The following RASA2 variants were observed in gnomAD, a reference collection of about 807,000 sequenced individuals.
RASA2 encodes the protein RAS p21 protein activator 2, also known as ras GTPase-activating protein 2.
Under a neutral mutation model 118.2 loss-of-function variants are expected in RASA2, and 155 were observed. That is an observed-to-expected ratio of 1.31 (90% CI 1.15 to 1.50). The LOEUF (loss-of-function observed/expected upper bound fraction) is 1.50, where lower values mean the gene tolerates loss of function less well. Among genes scored for constraint, RASA2 ranks in the 40% most tolerant of loss-of-function variants. The pLI, the probability that RASA2 is intolerant of heterozygous loss-of-function variation, is 0.00. For synonymous variants in RASA2, 353 were observed against 349.1 expected, an observed-to-expected ratio of 1.01 and a Z score of -0.12; for missense variants, 1,016 against 1,009.6, an observed-to-expected ratio of 1.01 and a Z score of -0.09.
chr3:141,506,234 C>T (rs552211126), intron 1 of RASA2, among the ~76,000 whole-genome samples: 1 of 152,296 alleles, frequency 6.6e-6, no homozygotes, highest in South Asian at 2.1e-4. Flanking sequence ...AGTTGGTTGT[C>T]ATTGATATAC....
chr3:141,546,177 T>C (rs552992429), intron 5 of RASA2, among the ~76,000 whole-genome samples: 1 of 152,376 alleles, frequency 6.6e-6, no homozygotes, highest in Non-Finnish European at 1.5e-5. Flanking sequence ...AGAGCGCAGA[T>C]ACCTCTTCAA....
At chr3:141,611,731 C>A (rs1053565531) in intron 23 of RASA2, among the ~76,000 whole-genome samples, 1 of 152,084 alleles carries the variant, frequency 6.6e-6, no homozygotes, top group Non-Finnish European at 1.5e-5. Context: ...CAATAAAAAT[C>A]AATTTGACAA....
Position 141,572,718 on chromosome 3 carries a change from G to C in RASA2, c.1279G>C (p.Asp427His). ...YLKVTLKPIL[D>H]EICDSSKSCE... is the part of the protein sequence containing the mutation. The stretch of plus-strand genomic sequence containing the variant: ...GAAAGTAACATTAAAACCTATTCTT[G>C]ATGAGGTACAGAATATATCTCCAAC... The change falls in exon 12 of 24, where the codon GAT becomes CAT. Residue 427 changes from aspartate to histidine, a missense_variant. Transcript: ENST00000286364. The C allele has an allele frequency of 1.3e-6, 2 of 1,591,710 alleles. No homozygotes were observed. Among genetic ancestry groups the C allele is most frequent in the Non-Finnish European group, 1.7e-6 (2 of 1,160,930 alleles).
chr3:141,601,544 A>G (rs77742015), intron 19 of RASA2, among the ~76,000 whole-genome samples: 19,692 of 152,188 alleles, frequency 0.13, 1,827 homozygotes, highest in East Asian at 0.24. Context: ...TGAAGAGAAC[A>G]TTAAAAGCAC....
chr3:141,490,421 G>A (rs1410514560), intron 1 of RASA2, among the ~76,000 whole-genome samples: 5 of 150,064 alleles, frequency 3.3e-5, no homozygotes, highest in Non-Finnish European at 7.4e-5. Flanking sequence ...GCTTCATGCT[G>A]TTATTTGGTG....
chr3:141,494,145 C>T (rs888924437), intron 1 of RASA2, among the ~76,000 whole-genome samples: 2 of 152,178 alleles, frequency 1.3e-5, no homozygotes, highest in Non-Finnish European at 2.9e-5. Context: ...ACCTTGTAAG[C>T]ATGTCATTTT....
intron 4 of RASA2, 111 bp from the exon 5 acceptor site, chr3:141,540,422 C>A: frequency 1.3e-6 from 1 of 744,894 alleles, no homozygotes; most frequent in Non-Finnish European, 2.2e-6. Flanking sequence ...TAGGCAAAGC[C>A]ATGTGCTAGT....
chr3:141,608,352 T>TA, intron 20 of RASA2, 137 bp from the exon 21 acceptor site: 1 of 790,478 alleles, frequency 1.3e-6, no homozygotes, highest in South Asian at 1.8e-5. Context: ...GCTTGAAACA[T>TA]AATAATTTCT....
intron 12 of RASA2, 63 bp from the exon 13 acceptor site, chr3:141,573,082 TAA>T: frequency 7.5e-7 from 1 of 1,329,690 alleles, no homozygotes; most frequent in South Asian, 1.4e-5. Context: ...ATCAGAAAAA[TAA>T]GTTATTTTCA....
rs751180314 is a variant in RASA2 at position 141,558,965 on chromosome 3, A to G, written c.761+3A>G. 6.3e-7 allele frequency: 1 copy of G among 1,596,898 alleles called. No individual in the cohort carries two copies. On this transcript the variant is annotated splice_donor_region_variant and intron_variant, in intron 8 of 23. Transcript: ENST00000286364. ...GACATTGAAAAGCTAGAAATCAGGT[A>G]TGTGCCTTGGGGTTTTACAGAATTG...
intron 19 of RASA2, among the ~76,000 whole-genome samples, chr3:141,587,815 A>G (rs2083229721): frequency 6.6e-6 from 1 of 152,086 alleles, no homozygotes; most frequent in South Asian, 2.1e-4. Context: ...ACATCTATAT[A>G]GTAGAATCCC....
intron 1 of RASA2, among the ~76,000 whole-genome samples, chr3:141,490,205 T>A (rs2081623448): frequency 6.6e-6 from 1 of 151,860 alleles, no homozygotes; most frequent in Non-Finnish European, 1.5e-5. Flanking sequence ...TATCCTAAGG[T>A]TGTCATATGA....
Position 141,540,518 on chromosome 3 carries a change from T to C in RASA2, c.451-15T>C. The stretch of plus-strand genomic sequence containing the variant: ...AAAATAGACTACTCAGTTTGTAATC[T>C]TTTTGTCATTATAGGGTAAAGTTCA... On this transcript the variant is annotated splice_polypyrimidine_tract_variant and intron_variant, in intron 4 of 23. Transcript: ENST00000286364. The C allele has an allele frequency of 1.3e-6, 2 of 1,594,496 alleles. No homozygotes were observed. The highest frequency in any genetic ancestry group is 1.7e-6 in the Non-Finnish European group (2 of 1,163,674).
chr3:141,490,300 C>T (rs2081624814), intron 1 of RASA2, among the ~76,000 whole-genome samples: 1 of 133,994 alleles, frequency 7.5e-6, no homozygotes, highest in African/African-American at 2.9e-5. Context: ...TATGCTAGAA[C>T]ACCTGAAACA....
chr3:141,607,562 G>T, intron 19 of RASA2, 116 bp from the exon 20 acceptor site: 1 of 1,090,922 alleles, frequency 9.2e-7, no homozygotes, highest in Non-Finnish European at 1.2e-6. Flanking sequence ...TCTTCTGTAG[G>T]TTATTTACAC....
intron 15 of RASA2, chr3:141,578,585 C>A (rs551414189): frequency 6.6e-6 from 1 of 152,236 alleles, no homozygotes; most frequent in African/African-American, 2.4e-5. Context: ...CCCTTTCTTG[C>A]CAAAGGATAA....
At chr3:141,518,352 G>C (rs1182401154) in intron 3 of RASA2, among the ~76,000 whole-genome samples, 1 of 151,144 alleles carries the variant, frequency 6.6e-6, no homozygotes, top group Admixed American at 6.6e-5. Context: ...GAGCGGCGGT[G>C]CGCACCTGTA....
In RASA2 at chr3:141,553,939, A is replaced by C; in HGVS notation, c.610A>C (p.Arg204=). 1 of 1,603,430 alleles carries C rather than the reference A, an allele frequency of 6.2e-7. No homozygotes were observed. The highest frequency in any genetic ancestry group is 8.5e-7 in the Non-Finnish European group (1 of 1,176,074). ...AACAGTTTCTCTAGTGGGCCCTTCTAGGTAATATTTATTGAATTATTATTA... is the reference window on the plus strand; with the variant it reads ...AACAGTTTCTCTAGTGGGCCCTTCTCGGTAATATTTATTGAATTATTATTA... ...YATVSLVGPS[R]NDQKKTKVKK... is the part of the protein sequence containing the mutation. The change falls in exon 6 of 24, where the codon AGG becomes CGG. Residue 204 remains arginine (R), a splice_region_variant and synonymous_variant. Transcript: ENST00000286364.
intron 19 of RASA2, among the ~76,000 whole-genome samples, chr3:141,595,169 A>T (rs922288537): frequency 1.3e-5 from 2 of 152,194 alleles, no homozygotes; most frequent in African/African-American, 2.4e-5. Flanking sequence ...TAAATAAATT[A>T]AAATGTGAGG....
Sources: allele counts gnomAD v4.1 joint callset (sites outside exome capture counted in the v4.1 genomes callset), GRCh38; gene constraint gnomAD v4.1.1; transcripts MANE v1.5; gene names NCBI Gene and HGNC (gene_info 2026-07-23, HGNC 2026-07-21).